FAF2: variants seen among roughly 807,000 people sequenced by gnomAD.
FAF2 encodes the protein Fas associated factor family member 2, also known as FAS-associated factor 2.
FAF2 carries 9 observed loss-of-function variants against 62.3 expected under a neutral mutation model. The ratio of observed to expected loss-of-function variants is 0.14; its 90% CI spans 0.09 to 0.25. The LOEUF is 0.25. FAF2 is among the 10% of genes least tolerant of loss of function. The pLI, the probability that FAF2 is intolerant of heterozygous loss-of-function variation, is 1.00. For missense variants in FAF2, 368 were observed against 556.2 expected, an observed-to-expected ratio of 0.66 and a Z score of 3.40; for synonymous variants, 202 against 198.0, an observed-to-expected ratio of 1.02 and a Z score of -0.17.
intron 2 of FAF2, among the ~76,000 whole-genome samples, chr5:176,482,318 A>G (rs1758794303): frequency 6.6e-6 from 1 of 151,954 alleles, no homozygotes; most frequent in Non-Finnish European, 1.5e-5. Context: ...CCCAGGTTCA[A>G]ATAATTTTCC....
chr5:176,507,235 CAG>C lies in FAF2; in HGVS notation c.*289_*290del. 1 of 453,652 alleles carries C rather than the reference CAG, an allele frequency of 2.2e-6. No homozygotes were observed. The highest frequency in any genetic ancestry group is 2.4e-5 in the Admixed American group (1 of 41,524). 28.1% of individuals were successfully genotyped at this position (453,652 alleles called of 1,614,324 possible). A position where few individuals can be genotyped will look rare whatever the true frequency, so the allele number is the denominator to read the frequency against. ...CTCTGTGCACGCACCTTCCAGTGAA[CAG>C]AGACTCTTCACCTTCGACCCATCCA... On this transcript the variant is annotated 3_prime_UTR_variant, in exon 11 of 11. Coordinates refer to ENST00000261942, the MANE Select transcript of FAF2 (RefSeq NM_014613.3).
At chr5:176,492,849 G>C (rs533880872) in intron 5 of FAF2, among the ~76,000 whole-genome samples, 8 of 152,050 alleles carry the variant, frequency 5.3e-5, no homozygotes, top group Non-Finnish European at 1.0e-4. Flanking sequence ...ATTTGTGTTC[G>C]TGTCTAATCT....
chr5:176,448,428 G>C lies in FAF2; in HGVS notation c.21G>C (p.Arg7=). The change falls in exon 1 of 11, where the codon CGG becomes CGC. Residue 7 remains arginine (R), a synonymous_variant. Transcript: ENST00000261942. The part of the protein sequence containing the change: MAAPEE[R]DLTQEQTEKL... ...GCAAAATGGCGGCGCCTGAGGAGCG[G>C]GATCTAACCCAGGAGCAGACAGAGA... 1 of 1,607,658 alleles carries C rather than the reference G, an allele frequency of 6.2e-7. No individual in the cohort carries two copies. The highest frequency in any genetic ancestry group is 8.5e-7 in the Non-Finnish European group (1 of 1,177,324).
chr5:176,453,349 A>G (rs752197872), intron 1 of FAF2: 4 of 152,188 alleles, frequency 2.6e-5, no homozygotes, highest in African/African-American at 4.8e-5. Context: ...GAAGGATGAC[A>G]TGGACAGAGA....
At chr5:176,462,510 G>A (rs1439890217) in intron 1 of FAF2, among the ~76,000 whole-genome samples, 1 of 151,964 alleles carries the variant, frequency 6.6e-6, no homozygotes, top group Non-Finnish European at 1.5e-5. Flanking sequence ...TGTAGTCCCA[G>A]CTGCTTGGGA....
chr5:176,472,736 GAAAAGAAAGAAAGAA>G (rs918722040), intron 1 of FAF2, among the ~76,000 whole-genome samples: 97 of 129,268 alleles, frequency 7.5e-4, no homozygotes, highest in East Asian at 4.7e-3. Flanking sequence ...AAAAAAAAAA[GAAAAGAAAGAAAGAA>G]AAAAGAAAGA....
chr5:176,489,997 G>A (rs1363771700), intron 4 of FAF2, among the ~76,000 whole-genome samples: 1 of 152,146 alleles, frequency 6.6e-6, no homozygotes, highest in Non-Finnish European at 1.5e-5. Flanking sequence ...AGCTACAGAG[G>A]GTCCAAGGCC....
chr5:176,486,657 G>T (rs576926006), intron 3 of FAF2, among the ~76,000 whole-genome samples, 168 bp downstream of exon 3: 1 of 139,960 alleles, frequency 7.1e-6, no homozygotes, highest in African/African-American at 2.8e-5. Context: ...TCAAGGAATT[G>T]TTACAGAAAC....
intron 1 of FAF2, among the ~76,000 whole-genome samples, chr5:176,465,480 G>C (rs772297887): frequency 1.4e-5 from 2 of 148,096 alleles, no homozygotes; most frequent in Non-Finnish European, 3.0e-5. Context: ...CAATTCTCCT[G>C]CTTCAACCTC....
intron 1 of FAF2, among the ~76,000 whole-genome samples, chr5:176,468,814 C>T (rs1008618421): frequency 2.6e-5 from 4 of 151,046 alleles, no homozygotes; most frequent in East Asian, 1.9e-4. Flanking sequence ...TATGGTGGTA[C>T]GTGCCTGTAG....
At chr5:176,450,786 C>T (rs907257193) in intron 1 of FAF2, among the ~76,000 whole-genome samples, 1 of 152,166 alleles carries the variant, frequency 6.6e-6, no homozygotes, top group African/African-American at 2.4e-5. Flanking sequence ...ATTTCTTGAC[C>T]TCGTGATCCG....
chr5:176,506,944 C>T lies in FAF2; in HGVS notation c.1332C>T (p.Asp444=), dbSNP rs761418088. The change falls in exon 11 of 11, where the codon GAC becomes GAT. Residue 444 remains aspartate (D), a synonymous_variant. Transcript: ENST00000261942. The part of the protein sequence containing the change: ...TEVLFVQDLT[D]E ...TTCTTTTTGTTCAGGACCTAACTGA[C>T]GAATGACATTTTTTTCTTCCTGTCC... 7.9e-6 allele frequency: 12 copies of T among 1,517,516 alleles called. No homozygotes were observed. Among genetic ancestry groups the T allele is most frequent in the East Asian group, 7.3e-5 (3 of 41,222 alleles). 94.0% of individuals were successfully genotyped at this position (1,517,516 alleles called of 1,614,324 possible).
Position 176,498,060 on chromosome 5 carries a change from G to C in FAF2, c.840-854G>C, listed in dbSNP as rs187714335. 2.0e-3 allele frequency among the ~76,000 whole-genome samples: 311 copies of C among 152,264 alleles called. 5 individuals carry two copies. The highest frequency in any genetic ancestry group is 7.3e-3 in the African/African-American group (302 of 41,540). On this transcript the variant is annotated intron_variant, in intron 8 of 10. Transcript: ENST00000261942. ...AGGTGGCAGGATTGCTTTAGCCTAG[G>C]AGGTTGAGGCTGCAGTGAGTCATGA...
chr5:176,486,120 G>GCA, intron 2 of FAF2, among the ~76,000 whole-genome samples: 1 of 152,326 alleles, frequency 6.6e-6, no homozygotes, highest in South Asian at 2.1e-4. Context: ...CTGCATAAAT[G>GCA]TAGCTTCCAG....
At chr5:176,480,214 T>C (rs1409590973) in intron 2 of FAF2, among the ~76,000 whole-genome samples, 1 of 152,174 alleles carries the variant, frequency 6.6e-6, no homozygotes, top group Non-Finnish European at 1.5e-5. Flanking sequence ...CAAAACACCC[T>C]CTTGATCCCA....
intron 1 of FAF2, among the ~76,000 whole-genome samples, chr5:176,469,448 C>G (rs914645503): frequency 3.3e-5 from 5 of 152,148 alleles, no homozygotes; most frequent in African/African-American, 1.2e-4. Context: ...ATGTCTCCAG[C>G]CAAAACTGCA....
intron 2 of FAF2, among the ~76,000 whole-genome samples, chr5:176,482,385 G>C (rs1321125396): frequency 6.6e-6 from 1 of 151,910 alleles, no homozygotes; most frequent in Non-Finnish European, 1.5e-5. Context: ...GCTAATTTTT[G>C]TATTTTTAGT....
Position 176,448,416 on chromosome 5 carries a change from G to A in FAF2, c.9G>A (p.Ala3=). Residue 3 remains alanine (A), a synonymous_variant, in exon 1 of 11, where the codon GCG becomes GCA. Transcript: ENST00000261942. Reference sequence around the variant, plus strand: ...GTAGAGGCGGCGGCAAAATGGCGGCGCCTGAGGAGCGGGATCTAACCCAGG... The same window carrying A: ...GTAGAGGCGGCGGCAAAATGGCGGCACCTGAGGAGCGGGATCTAACCCAGG... The part of the protein sequence containing the change: MA[A]PEERDLTQEQ... The A allele has an allele frequency of 1.9e-6, 3 of 1,606,354 alleles. No homozygotes were observed. The South Asian group carries it at 3.3e-5, about 18-fold the overall frequency.
chr5:176,482,305 C>T (rs563757435), intron 2 of FAF2, among the ~76,000 whole-genome samples: 8 of 151,510 alleles, frequency 5.3e-5, no homozygotes, highest in South Asian at 2.1e-4. Context: ...GCAACCTCCA[C>T]GTCCCAGGTT....
Sources: allele counts gnomAD v4.1 joint callset (sites outside exome capture counted in the v4.1 genomes callset), GRCh38; gene constraint gnomAD v4.1.1; transcripts MANE v1.5; gene names NCBI Gene and HGNC (gene_info 2026-07-23, HGNC 2026-07-21).